The following NLGN1 variants were observed in gnomAD, a reference collection of about 807,000 sequenced individuals.
NLGN1 encodes the protein neuroligin-1.
In NLGN1, 12 loss-of-function variants were observed where a neutral mutation model predicts 65.5. The ratio of observed to expected loss-of-function variants is 0.18; its 90% confidence interval spans 0.12 to 0.30. The LOEUF is 0.30. Among genes scored for constraint, NLGN1 ranks in the 10% least tolerant of loss-of-function variants. NLGN1 has a pLI of 1.00. For missense variants in NLGN1, 750 were observed against 1,007.1 expected (o/e 0.74, Z 3.46); for synonymous variants, 350 against 359.5 (o/e 0.97, Z 0.30).
chr3:173,704,486 T>C (rs1172031223), intron 3 of NLGN1, among the ~76,000 whole-genome samples: 2 of 152,182 alleles, frequency 1.3e-5, no homozygotes, highest in African/African-American at 4.8e-5. Flanking sequence ...TAAAAATCAA[T>C]GTTTCATTTC....
chr3:173,492,551 G>C (rs1729358379), intron 2 of NLGN1, among the ~76,000 whole-genome samples: 2 of 151,696 alleles, frequency 1.3e-5, no homozygotes, highest in Non-Finnish European at 2.9e-5. Context: ...TTCTAGGCAA[G>C]GTTGAAATTA....
intron 4 of NLGN1, among the ~76,000 whole-genome samples, chr3:174,142,601 G>A (rs1325224065): frequency 6.6e-6 from 1 of 152,022 alleles, no homozygotes; most frequent in Admixed American, 6.6e-5. Flanking sequence ...ACAAGCAAAG[G>A]CCCTGAGGTA....
chr3:174,092,518 T>C (rs9877558), intron 4 of NLGN1, among the ~76,000 whole-genome samples: 6,602 of 149,400 alleles, frequency 0.044, 184 homozygotes, highest in South Asian at 0.094. Context: ...TTGGCAATTA[T>C]TAAAAAAAAA....
intron 4 of NLGN1, among the ~76,000 whole-genome samples, chr3:174,113,031 C>A (rs1715586365): frequency 6.6e-6 from 1 of 151,678 alleles, no homozygotes; most frequent in South Asian, 2.1e-4. Flanking sequence ...ATTCCTTATG[C>A]CCATTTTCAA....
At chr3:174,291,341 A>G (rs191647548), downstream of NLGN1, among the ~76,000 whole-genome samples, 353 of 151,346 alleles carry the variant, frequency 2.3e-3, 1 homozygote, top group Non-Finnish European at 3.9e-3. Flanking sequence ...AATTCAGGAA[A>G]TCTTTTACAA....
intron 4 of NLGN1, among the ~76,000 whole-genome samples, chr3:174,039,920 A>G (rs552155358): frequency 6.6e-6 from 1 of 152,184 alleles, no homozygotes; most frequent in Admixed American, 6.5e-5. Context: ...TGGTAGCTGG[A>G]AAGCTTACTG....
At chr3:174,218,559 T>G (rs1339006026) in intron 4 of NLGN1, among the ~76,000 whole-genome samples, 2 of 152,036 alleles carry the variant, frequency 1.3e-5, no homozygotes, top group Non-Finnish European at 2.9e-5. Flanking sequence ...ATAATGGTAT[T>G]ATAGTTAAGG....
chr3:173,865,046 T>C (rs931204612), intron 4 of NLGN1, among the ~76,000 whole-genome samples: 1 of 152,304 alleles, frequency 6.6e-6, no homozygotes, highest in Non-Finnish European at 1.5e-5. Flanking sequence ...GATTGGACTG[T>C]CAACTTAATG....
chr3:173,504,086 A>C (rs1731609346), intron 2 of NLGN1, among the ~76,000 whole-genome samples: 1 of 152,084 alleles, frequency 6.6e-6, no homozygotes, highest in Non-Finnish European at 1.5e-5. Context: ...GAGAAATGTA[A>C]TCAACTTTAG....
Sources: gnomAD v4.1 joint callset for allele counts (sites outside exome capture counted in the v4.1 genomes callset) on GRCh38, gnomAD v4.1.1 for gene constraint, MANE v1.5 for transcripts, NCBI Gene and HGNC (gene_info 2026-07-23, HGNC 2026-07-21) for gene names.